The following RNF38 variants were observed in gnomAD, a reference collection of about 807,000 sequenced individuals.
RNF38 encodes ring finger protein 38, also known as E3 ubiquitin-protein ligase RNF38.
Under a neutral mutation model 67.2 loss-of-function variants are expected in RNF38, and 15 were observed. The ratio of observed to expected loss-of-function variants is 0.22; its 90% confidence interval spans 0.15 to 0.34. The LOEUF (loss-of-function observed/expected upper bound fraction) is 0.34, where lower values mean the gene tolerates loss of function less well. RNF38 is among the 10% of genes least tolerant of loss of function. The pLI is 1.00. For missense variants in RNF38, 524 were observed against 639.9 expected, an observed-to-expected ratio of 0.82 and a Z score of 1.95; for synonymous variants, 220 against 218.8, an observed-to-expected ratio of 1.01 and a Z score of -0.05.
At chr9:36,372,635 A>C (rs1289134080) in intron 3 of RNF38, 26 of 633,548 alleles carry the variant, frequency 4.1e-5, no homozygotes, top group Non-Finnish European at 7.6e-5. Context: ...AGAGTAAGAC[A>C]CACTGCTGAA....
At chr9:36,351,083 T>C (rs751899785) in intron 9 of RNF38, 32 bp downstream of exon 9, 2 of 1,441,336 alleles carry the variant, frequency 1.4e-6, no homozygotes, top group Non-Finnish European at 1.9e-6. Flanking sequence ...CACACAATAT[T>C]CCCCAAATTA....
intron 2 of RNF38, among the ~76,000 whole-genome samples, chr9:36,409,873 C>T (rs1838280450): frequency 6.6e-6 from 1 of 152,174 alleles, no homozygotes; most frequent in Non-Finnish European, 1.5e-5. Flanking sequence ...CAAAACAAAT[C>T]ATAATATTAA....
chr9:36,456,228 T>C (rs1839592378), intron 1 of RNF38, among the ~76,000 whole-genome samples: 1 of 152,122 alleles, frequency 6.6e-6, no homozygotes, highest in African/African-American at 2.4e-5. Flanking sequence ...CTGGCTAATT[T>C]TGTATTTTTA....
At chr9:36,452,220 T>C (rs934167223) in intron 1 of RNF38, among the ~76,000 whole-genome samples, 15 of 152,158 alleles carry the variant, frequency 9.9e-5, no homozygotes, top group African/African-American at 2.9e-4. Context: ...ACTGAGCTGA[T>C]GTCTTTAAAA....
At position 36,375,399 on chromosome 9, in the gene RNF38, C is replaced by T. The variant is rs1291675695; in HGVS notation, c.356+535G>A. 3.9e-5 allele frequency among the ~76,000 whole-genome samples: 6 copies of T among 152,004 alleles called. No homozygotes were observed. The East Asian group carries it at 1.2e-3, about 29-fold the overall frequency. ...GAGAGACAGGGTCTTGCTATGTTGC[C>T]CAGGCTGGTCTCGAACTCCTGGCCT... On this transcript the variant is annotated intron_variant, in intron 3 of 11. Coordinates refer to ENST00000259605, the MANE Select transcript of RNF38 (RefSeq NM_022781.5).
At chr9:36,450,271 T>TA (rs1301591330) in intron 1 of RNF38, among the ~76,000 whole-genome samples, 1 of 152,136 alleles carries the variant, frequency 6.6e-6, no homozygotes, top group African/African-American at 2.4e-5. Context: ...GACTTTTTTT[T>TA]TATATAATTA....
chr9:36,400,279 G>T, upstream of RNF38: 1 of 1,313,262 alleles, frequency 7.6e-7, no homozygotes, highest in Non-Finnish European at 9.7e-7. Flanking sequence ...CGCCAGAGAG[G>T]ACCCTTTCGA....
intron 1 of RNF38, among the ~76,000 whole-genome samples, chr9:36,453,653 G>C (rs1326993640): frequency 6.6e-6 from 1 of 152,068 alleles, no homozygotes; most frequent in African/African-American, 2.4e-5. Flanking sequence ...AAAGTGCTGG[G>C]ATTATAGGCA....
chr9:36,420,174 C>A (rs1263928074), intron 2 of RNF38, among the ~76,000 whole-genome samples: 1 of 152,128 alleles, frequency 6.6e-6, no homozygotes, highest in Non-Finnish European at 1.5e-5. Flanking sequence ...GCCTCAGATT[C>A]CTCACTGATA....
chr9:36,375,448 T>C (rs1480040415), intron 3 of RNF38, among the ~76,000 whole-genome samples: 1 of 152,182 alleles, frequency 6.6e-6, no homozygotes, highest in East Asian at 1.9e-4. Flanking sequence ...CACTTTGGCT[T>C]CCCAAAATGT....
intron 1 of RNF38, among the ~76,000 whole-genome samples, chr9:36,476,384 TTA>T (rs1840121088): frequency 6.6e-6 from 1 of 152,122 alleles, no homozygotes; most frequent in Non-Finnish European, 1.5e-5. Flanking sequence ...AGTGCTAGGA[TTA>T]TAGGCATGAG....
intron 1 of RNF38, among the ~76,000 whole-genome samples, chr9:36,451,383 T>C (rs1044968318): frequency 2.1e-4 from 31 of 150,804 alleles, no homozygotes; most frequent in Non-Finnish European, 1.6e-4. Flanking sequence ...GAGAATCGCT[T>C]GAAGCCGGGA....
chr9:36,411,886 T>C (rs955711314), intron 2 of RNF38, among the ~76,000 whole-genome samples: 7 of 152,102 alleles, frequency 4.6e-5, no homozygotes, highest in Non-Finnish European at 1.0e-4. Flanking sequence ...AGAGTATTAT[T>C]CGCCTTATAA....
chr9:36,383,559 C>T (rs908882542), intron 2 of RNF38, among the ~76,000 whole-genome samples: 1 of 152,152 alleles, frequency 6.6e-6, no homozygotes, highest in South Asian at 2.1e-4. Context: ...CCTTGAACTA[C>T]ATAATGTACA....
At chr9:36,422,686 G>A (rs1838662712) in intron 2 of RNF38, among the ~76,000 whole-genome samples, 1 of 152,102 alleles carries the variant, frequency 6.6e-6, no homozygotes, top group Admixed American at 6.6e-5. Flanking sequence ...TATATACATG[G>A]TAGGCAGGAA....
intron 2 of RNF38, among the ~76,000 whole-genome samples, chr9:36,377,129 G>T (rs918042449): frequency 2.6e-5 from 4 of 151,964 alleles, no homozygotes; most frequent in African/African-American, 2.4e-5. Flanking sequence ...AACACTCCAG[G>T]GTTCTCCACC....
intron 1 of RNF38, among the ~76,000 whole-genome samples, chr9:36,470,792 A>G (rs955122485): frequency 2.0e-5 from 3 of 152,044 alleles, no homozygotes; most frequent in Non-Finnish European, 4.4e-5. Context: ...AGCAGCCCCC[A>G]TCTCCATACA....
intron 3 of RNF38, among the ~76,000 whole-genome samples, chr9:36,374,390 C>T (rs138867015): frequency 2.0e-5 from 3 of 152,344 alleles, no homozygotes; most frequent in African/African-American, 7.2e-5. Context: ...AAGGTACCAA[C>T]ATAGTCGGTT....
chr9:36,388,530 G>A (rs1836815748), intron 2 of RNF38, among the ~76,000 whole-genome samples: 1 of 152,010 alleles, frequency 6.6e-6, no homozygotes, highest in Non-Finnish European at 1.5e-5. Context: ...AAAAAGACTG[G>A]TGGTAGAAAC....
Sources: allele counts gnomAD v4.1 joint callset (sites outside exome capture counted in the v4.1 genomes callset), GRCh38; gene constraint gnomAD v4.1.1; transcripts MANE v1.5; gene names NCBI Gene and HGNC (gene_info 2026-07-23, HGNC 2026-07-21).